DOCK2: variants seen among roughly 807,000 people sequenced by gnomAD.
DOCK2 encodes dedicator of cytokinesis 2, also known as dedicator of cytokinesis protein 2.
Under a neutral mutation model 248.9 loss-of-function variants are expected in DOCK2, and 87 were observed. The observed-to-expected ratio is 0.35, with a 90% CI of 0.29 to 0.42. DOCK2 has a LOEUF of 0.42. Among genes scored for constraint, DOCK2 ranks in the 10% least tolerant of loss-of-function variants. The probability of loss-of-function intolerance (pLI) is 1.00; values close to 1 mark genes in which losing one functional copy is unlikely to be tolerated. For synonymous variants in DOCK2, 805 were observed against 821.6 expected, an observed-to-expected ratio of 0.98 and a Z score of 0.35; for missense variants, 1,747 against 2,300.2, an observed-to-expected ratio of 0.76 and a Z score of 4.92.
rs1324137222 is a variant in DOCK2, at chr5:169,763,618, G to A, written c.2554+1993G>A. Among the ~76,000 whole-genome samples the A allele has an allele frequency of 6.6e-6, 1 of 152,244 alleles. No homozygotes were observed. Among genetic ancestry groups the A allele is most frequent in the Non-Finnish European group, 1.5e-5 (1 of 68,050 alleles). On this transcript the variant is annotated intron_variant, in intron 25 of 51. Coordinates refer to ENST00000520908, the MANE Select transcript of DOCK2 (RefSeq NM_004946.3). This position sits in a 1 kb window ranked among gnomAD's most constrained non-coding sequence, Gnocchi z 4.1. ...GAGGCCTCTGAGGGTTAGCATCATG[G>A]CAGGGCAGGCTGGACAGCTGCTGCT...
At chr5:169,669,264 T>C in intron 2 of DOCK2, 24 bp from the exon 3 acceptor site, 3 of 1,612,672 alleles carry the variant, frequency 1.9e-6, no homozygotes, top group East Asian at 2.2e-5. Flanking sequence ...ATGAGGGAAC[T>C]GTTTCTTTGT....
chr5:170,047,858 C>T (rs921630497), intron 40 of DOCK2, among the ~76,000 whole-genome samples: 3 of 152,144 alleles, frequency 2.0e-5, no homozygotes, highest in African/African-American at 4.8e-5. Context: ...GTGAGTTCCC[C>T]GTCACTGGAA....
Position 169,868,031 on chromosome 5 carries a change from A to G in DOCK2, c.2799+27179A>G, listed in dbSNP as rs1581321413. ...AGCCCTGCCCTCCCTACTGTGACAG[A>G]AAAACAATCTTCATCATAGAGTACC... On this transcript the variant is annotated intron_variant, in intron 27 of 51. Coordinates refer to ENST00000520908, the MANE Select transcript of DOCK2 (RefSeq NM_004946.3). Among the ~76,000 whole-genome samples, 5 of 152,340 alleles carry G rather than the reference A, an allele frequency of 3.3e-5. No individual in the cohort carries two copies. The South Asian group carries it at 1.0e-3, about 32-fold the overall frequency.
At chr5:169,648,293 T>C (rs1420634884) in intron 1 of DOCK2, among the ~76,000 whole-genome samples, 1 of 151,918 alleles carries the variant, frequency 6.6e-6, no homozygotes, top group Non-Finnish European at 1.5e-5. Flanking sequence ...CCGACTCCCC[T>C]CCCCCAGGTT....
intron 23 of DOCK2, 69 bp downstream of exon 23, chr5:169,747,573 A>G: frequency 7.3e-7 from 1 of 1,372,040 alleles, no homozygotes; most frequent in Admixed American, 2.0e-5. Flanking sequence ...TGCTAAGATA[A>G]TATCTTCTTT....
intron 27 of DOCK2, among the ~76,000 whole-genome samples, chr5:169,860,716 G>GT (rs976697893): frequency 2.3e-4 from 35 of 152,304 alleles, no homozygotes; most frequent in African/African-American, 8.4e-4. Flanking sequence ...TGACAGGAAA[G>GT]TTGTTTTCTT....
At chr5:169,787,742 CT>C (rs1202144134) in intron 25 of DOCK2, among the ~76,000 whole-genome samples, 1 of 141,296 alleles carries the variant, frequency 7.1e-6, no homozygotes, top group Non-Finnish European at 1.5e-5. Flanking sequence ...CTGTGTCTGT[CT>C]TCTCTTTCTT....
At chr5:169,970,493 T>C (rs552255022) in intron 27 of DOCK2, among the ~76,000 whole-genome samples, 16 of 152,300 alleles carry the variant, frequency 1.1e-4, no homozygotes, top group African/African-American at 3.6e-4. Flanking sequence ...TGGAGGGTGA[T>C]AGAGTCAACT....
intron 27 of DOCK2, among the ~76,000 whole-genome samples, chr5:169,868,173 G>A (rs190911287): frequency 6.6e-6 from 1 of 152,172 alleles, no homozygotes; most frequent in African/African-American, 2.4e-5. Flanking sequence ...CACTGTACCA[G>A]GTTCCAGGAA....
intron 2 of DOCK2, among the ~76,000 whole-genome samples, chr5:169,665,626 C>T (rs1758681958): frequency 6.6e-6 from 1 of 151,832 alleles, no homozygotes. Flanking sequence ...TGTTTTTTTC[C>T]CATCCAACTT....
chr5:169,910,822 T>A (rs1191404227), intron 27 of DOCK2, among the ~76,000 whole-genome samples: 1 of 152,202 alleles, frequency 6.6e-6, no homozygotes, highest in African/African-American at 2.4e-5. Context: ...GTGAGGTCAG[T>A]CACTGGCTCC....
intron 26 of DOCK2, 127 bp downstream of exon 26, chr5:169,803,333 G>A: frequency 7.8e-7 from 1 of 1,276,782 alleles, no homozygotes; most frequent in Non-Finnish European, 1.1e-6. Context: ...TTGCTCAGCA[G>A]GCCTACTTTT....
At chr5:169,753,037 C>T (rs1044372260) in intron 23 of DOCK2, among the ~76,000 whole-genome samples, 1 of 151,672 alleles carries the variant, frequency 6.6e-6, no homozygotes, top group African/African-American at 2.4e-5. Context: ...TGCACTCCAG[C>T]CTGGCGACAG....
chr5:169,684,584 T>G (rs1020729517), intron 8 of DOCK2, among the ~76,000 whole-genome samples: 5 of 152,252 alleles, frequency 3.3e-5, no homozygotes, highest in African/African-American at 1.2e-4. Context: ...AAATAGATTT[T>G]GATTGCCAGA....
intron 27 of DOCK2, among the ~76,000 whole-genome samples, chr5:169,867,279 G>A (rs1771626817): frequency 6.6e-6 from 1 of 152,184 alleles, no homozygotes; most frequent in Non-Finnish European, 1.5e-5. Flanking sequence ...AGGAGGACAG[G>A]AGAAGGTCAG....
At chr5:170,045,383 AC>A (rs1312897756) in intron 38 of DOCK2, among the ~76,000 whole-genome samples, 2 of 152,128 alleles carry the variant, frequency 1.3e-5, no homozygotes, top group Non-Finnish European at 2.9e-5. Context: ...AAACACGAGC[AC>A]GTGGGAGGCA....
intron 37 of DOCK2, among the ~76,000 whole-genome samples, chr5:170,041,675 G>C (rs1257488289): frequency 6.6e-6 from 1 of 152,216 alleles, no homozygotes; most frequent in African/African-American, 2.4e-5. Flanking sequence ...ACAGGCAGGG[G>C]GAAGCTAGCA....
At chr5:169,773,083 G>A (rs949791419) in intron 25 of DOCK2, 8 of 152,104 alleles carry the variant, frequency 5.3e-5, no homozygotes, top group Admixed American at 2.0e-4. Context: ...GCACCAAAAC[G>A]TCCCTTCCAC....
At chr5:169,767,288 G>C (rs576630680) in intron 25 of DOCK2, among the ~76,000 whole-genome samples, 1 of 152,250 alleles carries the variant, frequency 6.6e-6, no homozygotes, top group South Asian at 2.1e-4. Context: ...CTGGATATTA[G>C]ACCTTTGTGA....
Sources: gnomAD v4.1 joint callset for allele counts (sites outside exome capture counted in the v4.1 genomes callset) on GRCh38, gnomAD v4.1.1 for gene constraint, Gnocchi (gnomAD v3.1) non-coding constraint, MANE v1.5 for transcripts, NCBI Gene and HGNC (gene_info 2026-07-23, HGNC 2026-07-21) for gene names.